Variants in USP24 observed in about 807,000 individuals in gnomAD.
USP24 encodes the protein ubiquitin carboxyl-terminal hydrolase 24.
In USP24, 97 loss-of-function variants were observed where a neutral mutation model predicts 361.6. The observed-to-expected ratio is 0.27, with a 90% CI of 0.23 to 0.32. The LOEUF is 0.32. Ranked by LOEUF, USP24 falls within the 10% of genes least tolerant of loss-of-function variation. The pLI, the probability that USP24 is intolerant of heterozygous loss-of-function variation, is 1.00. For synonymous variants in USP24, 1,098 were observed against 1,124.6 expected, an observed-to-expected ratio of 0.98 and a Z score of 0.47; for missense variants, 2,353 against 3,165.6, an observed-to-expected ratio of 0.74 and a Z score of 6.16.
At chr1:55,204,760 T>C (rs750727658) in intron 1 of USP24, among the ~76,000 whole-genome samples, 1 of 152,220 alleles carries the variant, frequency 6.6e-6, no homozygotes, top group African/African-American at 2.4e-5. Flanking sequence ...GCTCAGTGCC[T>C]AGCACACAAT....
At chr1:55,080,436 C>T (rs1022775399) in intron 59 of USP24, among the ~76,000 whole-genome samples, 2 of 152,208 alleles carry the variant, frequency 1.3e-5, no homozygotes, top group Non-Finnish European at 2.9e-5. Context: ...AGTTTGCATT[C>T]ATGCCTTGGC....
chr1:55,097,806 T>C (rs1162260653), intron 47 of USP24, 89 bp from the exon 48 acceptor site: 2 of 1,500,278 alleles, frequency 1.3e-6, no homozygotes, highest in African/African-American at 1.4e-5. Flanking sequence ...AAGGCCTTTC[T>C]GATCCATGTG....
At chr1:55,084,493 A>C (rs1318459638) in intron 56 of USP24, 1 of 152,164 alleles carries the variant, frequency 6.6e-6, no homozygotes, top group Non-Finnish European at 1.5e-5. Flanking sequence ...CTCCCACCCC[A>C]ACTGTTTTTG....
rs147863227 is a variant in USP24 at position 55,161,199 on chromosome 1, C to T, written c.993+1000G>A. Among the ~76,000 whole-genome samples, 709 of 151,802 alleles carry T rather than the reference C, an allele frequency of 4.7e-3. 4 individuals are homozygous for T. The highest frequency in any genetic ancestry group is 0.02 in the Middle Eastern group (6 of 294). On this transcript the variant is annotated intron_variant, in intron 8 of 67. Coordinates refer to ENST00000294383, the MANE Select transcript of USP24 (RefSeq NM_015306.3). ...CCAGCCTGGCCAGCATGGTGAAACCCCATCTCTACTAAAAATACAAAAATT... is the reference window on the plus strand; with the variant it reads ...CCAGCCTGGCCAGCATGGTGAAACCTCATCTCTACTAAAAATACAAAAATT...
chr1:55,152,443 T>G lies in USP24; in HGVS notation c.1860+1427A>C, dbSNP rs371959252. On this transcript the variant is annotated intron_variant, in intron 16 of 67. Coordinates refer to ENST00000294383, the MANE Select transcript of USP24 (RefSeq NM_015306.3). ...ATTCTGGTTTCAAACGCCACTTCCCTGGAGGGAGGGAAAAATCCATTCAGC... is the reference window on the plus strand; with the variant it reads ...ATTCTGGTTTCAAACGCCACTTCCCGGGAGGGAGGGAAAAATCCATTCAGC... 6.6e-5 allele frequency among the ~76,000 whole-genome samples: 10 copies of G among 152,274 alleles called. No homozygotes were observed. In the East Asian group the frequency reaches 1.9e-3, roughly 29 times the overall value.
intron 16 of USP24, among the ~76,000 whole-genome samples, chr1:55,153,637 T>C (rs1406832680): frequency 6.6e-6 from 1 of 152,150 alleles, no homozygotes; most frequent in Admixed American, 6.5e-5. Flanking sequence ...TTATGAAAAT[T>C]ATATAATAAA....
chr1:55,091,618 C>T (rs570391598), intron 54 of USP24, among the ~76,000 whole-genome samples: 1 of 152,290 alleles, frequency 6.6e-6, no homozygotes, highest in East Asian at 1.9e-4. Context: ...TACTAAAACA[C>T]AATTAGTCAC....
chr1:55,146,698 G>A (rs1298654015), intron 19 of USP24, among the ~76,000 whole-genome samples: 2 of 152,004 alleles, frequency 1.3e-5, no homozygotes, highest in Non-Finnish European at 2.9e-5. Flanking sequence ...TACTCATTTG[G>A]TTAAATTTGG....
chr1:55,072,931 G>T, intron 64 of USP24, 70 bp from the exon 65 acceptor site: 1 of 1,376,634 alleles, frequency 7.3e-7, no homozygotes, highest in Non-Finnish European at 1.0e-6. Flanking sequence ...ATTTTGAAAC[G>T]TAAATGCTAG....
At chr1:55,072,003 T>G in intron 66 of USP24, 79 bp from the exon 67 acceptor site, 1 of 1,253,188 alleles carries the variant, frequency 8.0e-7, no homozygotes, top group Non-Finnish European at 1.1e-6. Flanking sequence ...AGACTACCTT[T>G]CATCTGACCT....
chr1:55,208,593 C>T (rs1031866220), intron 1 of USP24, among the ~76,000 whole-genome samples: 3 of 151,886 alleles, frequency 2.0e-5, no homozygotes, highest in Admixed American at 6.6e-5. Context: ...TGCACCACTG[C>T]ACACCAGCCT....
At chr1:55,189,810 TA>T (rs149201037) in intron 1 of USP24, among the ~76,000 whole-genome samples, 4,069 of 152,244 alleles carry the variant, frequency 0.027, 136 homozygotes, top group African/African-American at 0.073. Flanking sequence ...CACAGAGTTG[TA>T]CCTAATCTGT....
intron 1 of USP24, among the ~76,000 whole-genome samples, chr1:55,190,484 C>A (rs1359588058): frequency 2.6e-5 from 4 of 152,184 alleles, no homozygotes; most frequent in Non-Finnish European, 5.9e-5. Context: ...ACATACAAAG[C>A]AGCTCAGTAT....
chr1:55,182,670 A>T (rs1358468556), intron 1 of USP24, among the ~76,000 whole-genome samples: 1 of 152,150 alleles, frequency 6.6e-6, no homozygotes, highest in Non-Finnish European at 1.5e-5. Flanking sequence ...TCCCACCAAA[A>T]ATGTATAACC....
rs1647454057 is a variant in USP24, at chr1:55,154,787, G to A, written c.1447-9C>T. The stretch of plus-strand genomic sequence containing the variant: ...GTAGATGATTGTCCTGACTGGAAAA[G>A]GAAACATTGGAAAAAAATTAAGTCT... On this transcript the variant is annotated splice_polypyrimidine_tract_variant and intron_variant, in intron 12 of 67. Transcript: ENST00000294383. 1 of 1,598,490 alleles carries A rather than the reference G, an allele frequency of 6.3e-7. No homozygotes were observed. Among genetic ancestry groups the A allele is most frequent in the Non-Finnish European group, 8.5e-7 (1 of 1,171,728 alleles).
chr1:55,098,037 G>A lies in USP24; in HGVS notation c.5501C>T (p.Ser1834Phe), dbSNP rs202160257. 26 of 1,613,428 alleles carry A rather than the reference G, an allele frequency of 1.6e-5. No individual in the cohort carries two copies. Among genetic ancestry groups the A allele is most frequent in the Non-Finnish European group, 2.2e-5 (26 of 1,179,704 alleles). Residue 1834 changes from serine to phenylalanine, a missense_variant, in exon 47 of 68, where the codon TCT (serine) becomes TTT (phenylalanine). By Grantham distance (155) the Ser-to-Phe change is radical. This residue lies in a region of USP24 where 105 missense variants were observed against 200.3 expected (regional missense o/e 0.52). Coordinates refer to ENST00000294383, the MANE Select transcript of USP24 (RefSeq NM_015306.3). ...CAAAGAAATTTCCAAACTCTGACAA[G>A]AAGTCACTCCTAGATTGAGAGCCAT... ...AFMALNLGVT[S>F]CQSLEISLDQ...
chr1:55,155,683 AACTCCTCTGC>A (rs1253737797), intron 12 of USP24, among the ~76,000 whole-genome samples: 1 of 152,050 alleles, frequency 6.6e-6, no homozygotes, highest in Non-Finnish European at 1.5e-5. Context: ...ACATTTCCCA[AACTCCTCTGC>A]CAGCCAACTT....
intron 20 of USP24, among the ~76,000 whole-genome samples, chr1:55,145,622 A>T (rs1390587013): frequency 6.6e-6 from 1 of 152,224 alleles, no homozygotes; most frequent in Non-Finnish European, 1.5e-5. Flanking sequence ...CACCATTTGT[A>T]CACTTTAAAA....
chr1:55,101,644 A>G lies in USP24; in HGVS notation c.5085T>C (p.Gly1695=). The change falls in exon 43 of 68, where the codon GGT becomes GGC. Residue 1695 remains glycine (G), a synonymous_variant. Transcript: ENST00000294383. ...SSGFVGLRNG[G]ATCYMNAVFQ... ...AGACTGCATTCATATAACAAGTTGC[A>G]CCACCATTTCTCAGCCCCACAAACC... is the stretch of plus-strand genomic sequence containing the variant. 6.2e-7 allele frequency: 1 copy of G among 1,613,426 alleles called. No individual in the cohort carries two copies. The highest frequency in any genetic ancestry group is 8.5e-7 in the Non-Finnish European group (1 of 1,179,698).
Sources: allele counts gnomAD v4.1 joint callset (sites outside exome capture counted in the v4.1 genomes callset), GRCh38; gene constraint gnomAD v4.1.1; regional missense constraint gnomAD v4.1.1; transcripts MANE v1.5; gene names NCBI Gene and HGNC (gene_info 2026-07-23, HGNC 2026-07-21).